Variants in AHI1 observed in about 807,000 individuals in gnomAD.
The protein encoded by AHI1 is Abelson helper integration site 1.
Under a neutral mutation model 149.3 loss-of-function variants are expected in AHI1, and 123 were observed. That is an observed-to-expected ratio of 0.82 (90% CI 0.71 to 0.96). AHI1 has a LOEUF of 0.96. Ranked by LOEUF, AHI1 falls within the 40% of genes least tolerant of loss-of-function variation. The pLI, the probability that AHI1 is intolerant of heterozygous loss-of-function variation, is 0.00. For missense variants in AHI1, 1,439 were observed against 1,422.7 expected (o/e 1.01, Z -0.18); for synonymous variants, 475 against 459.8 (o/e 1.03, Z -0.42).
chr6:135,367,465 G>C (rs1233248248), intron 23 of AHI1, among the ~76,000 whole-genome samples: 1 of 151,906 alleles, frequency 6.6e-6, no homozygotes, highest in Admixed American at 6.6e-5. Context: ...CCAAACTTTT[G>C]GATTTCTCTT....
chr6:135,425,106 C>G (rs984036295), intron 20 of AHI1, among the ~76,000 whole-genome samples: 1 of 151,766 alleles, frequency 6.6e-6, no homozygotes, highest in Non-Finnish European at 1.5e-5. Context: ...AAAATAGCAA[C>G]GAGTTGGGAA....
chr6:135,321,461 T>A (rs1374196872), intron 25 of AHI1, among the ~76,000 whole-genome samples: 1 of 152,018 alleles, frequency 6.6e-6, no homozygotes, highest in Non-Finnish European at 1.5e-5. Context: ...GCAATGGGAC[T>A]TAGGGCACTT....
rs547837278 is a variant in AHI1, at chr6:135,433,121, T to C, written c.2172A>G (p.Ile724Met). The C allele has an allele frequency of 1.1e-4, 176 of 1,613,704 alleles. 2 individuals are homozygous for C. In the South Asian group the frequency reaches 1.8e-3, roughly 17 times the overall value. The change falls in exon 16 of 29, where the codon ATA (isoleucine) becomes ATG (methionine). Residue 724 changes from isoleucine to methionine, a missense_variant. Transcript: ENST00000265602. ...AATCTTCTCTCATCTCAACTTTCCA[T>C]ATCCGTATCATGGAATCATAGCATC... is the stretch of plus-strand genomic sequence containing the variant. The part of the protein sequence containing the change: ...VTGCYDSMIR[I>M]WKVEMREDSA...
chr6:135,302,262 A>C (rs1583585863), intron 26 of AHI1: 1 of 985,394 alleles, frequency 1.0e-6, no homozygotes, highest in African/African-American at 1.7e-5. Flanking sequence ...CTTTTCAAAA[A>C]ACTCAACATT....
In AHI1 at chr6:135,392,194, G is replaced by C. The variant is rs549779525; in HGVS notation, c.3109+2582C>G. On this transcript the variant is annotated intron_variant, in intron 23 of 28. Coordinates refer to ENST00000265602, the MANE Select transcript of AHI1 (RefSeq NM_001134831.2). ...CTAGAGGTTCCTGAAGGCAGAGACTGTAACATTTACTCCACATGCTAAATA... is the reference window on the plus strand; with the variant it reads ...CTAGAGGTTCCTGAAGGCAGAGACTCTAACATTTACTCCACATGCTAAATA... 2.0e-4 allele frequency among the ~76,000 whole-genome samples: 31 copies of C among 152,314 alleles called. No homozygotes were observed. In the South Asian group the frequency reaches 6.0e-3, roughly 30 times the overall value.
chr6:135,475,761 G>T (rs985099633), intron 5 of AHI1, among the ~76,000 whole-genome samples: 9 of 152,152 alleles, frequency 5.9e-5, no homozygotes, highest in African/African-American at 2.2e-4. Flanking sequence ...CCTGGGCTGT[G>T]TCCCATGCAC....
intron 28 of AHI1, among the ~76,000 whole-genome samples, chr6:135,288,224 T>C (rs1781925705): frequency 6.6e-6 from 1 of 151,914 alleles, no homozygotes; most frequent in Non-Finnish European, 1.5e-5. Context: ...AGGAAAAAAA[T>C]GTGAGTATGT....
chr6:135,414,158 C>T (rs944690184), intron 20 of AHI1, among the ~76,000 whole-genome samples: 4 of 152,038 alleles, frequency 2.6e-5, no homozygotes, highest in African/African-American at 9.7e-5. Context: ...ATAGAGTGCC[C>T]AGGGTGTATA....
chr6:135,392,686 T>C (rs1778681234), intron 23 of AHI1, among the ~76,000 whole-genome samples: 1 of 152,232 alleles, frequency 6.6e-6, no homozygotes, highest in Non-Finnish European at 1.5e-5. Context: ...CTTAATTATT[T>C]ATCCACTTTA....
intron 25 of AHI1, 109 bp from the exon 26 acceptor site, chr6:135,318,725 T>G: frequency 1.6e-6 from 1 of 621,722 alleles, no homozygotes; most frequent in Non-Finnish European, 2.7e-6. Context: ...CGATATTCAA[T>G]TCCTTGGTGT....
At chr6:135,312,048 A>T (rs924660526) in intron 26 of AHI1, among the ~76,000 whole-genome samples, 7 of 152,266 alleles carry the variant, frequency 4.6e-5, no homozygotes, top group Non-Finnish European at 7.3e-5. Context: ...AAGATGCAGC[A>T]GCTGCCAAGC....
intron 23 of AHI1, among the ~76,000 whole-genome samples, chr6:135,366,944 T>C (rs1428169488): frequency 1.3e-5 from 2 of 152,240 alleles, no homozygotes; most frequent in Non-Finnish European, 2.9e-5. Flanking sequence ...GCACTGCTTT[T>C]GCTGTATCCC....
At chr6:135,447,261 T>G in intron 12 of AHI1, 101 bp from the exon 13 acceptor site, 1 of 817,288 alleles carries the variant, frequency 1.2e-6, no homozygotes, top group Non-Finnish European at 1.7e-6. Context: ...TATGAAAATA[T>G]TTTCAAAATG....
chr6:135,381,845 C>A (rs751396058), intron 23 of AHI1, among the ~76,000 whole-genome samples: 5 of 152,200 alleles, frequency 3.3e-5, no homozygotes, highest in Non-Finnish European at 7.3e-5. Flanking sequence ...TCTTCCATTT[C>A]TCGCAGTGCT....
At chr6:135,377,649 T>G (rs1261330727) in intron 23 of AHI1, among the ~76,000 whole-genome samples, 1 of 151,940 alleles carries the variant, frequency 6.6e-6, no homozygotes, top group Non-Finnish European at 1.5e-5. Flanking sequence ...TCAGCTACTT[T>G]TTAAATTTTT....
intron 5 of AHI1, among the ~76,000 whole-genome samples, chr6:135,471,750 C>T (rs865820749): frequency 1.3e-5 from 2 of 152,012 alleles, no homozygotes; most frequent in Non-Finnish European, 2.9e-5. Context: ...CGGTGGCTCA[C>T]GCCTGTAATC....
At chr6:135,361,694 CGT>C (rs1237469734) in intron 23 of AHI1, among the ~76,000 whole-genome samples, 2 of 136,880 alleles carry the variant, frequency 1.5e-5, no homozygotes, top group African/African-American at 5.6e-5. Flanking sequence ...CACACACACA[CGT>C]GTGTATATTT....
At chr6:135,349,131 C>T (rs77308029) in intron 24 of AHI1, among the ~76,000 whole-genome samples, 2,691 of 152,150 alleles carry the variant, frequency 0.018, 79 homozygotes, top group African/African-American at 0.061. Context: ...ACAACAGGTG[C>T]GTGGCACTGC....
intron 5 of AHI1, among the ~76,000 whole-genome samples, chr6:135,482,893 G>GTTTTTTTTTTTTTTTTTTTTTT (rs1491384083): frequency 8.6e-4 from 5 of 5,782 alleles, no homozygotes; most frequent in African/African-American, 1.4e-3. Context: ...TCCATTTAAG[G>GTTTTTTTTTTTTTTTTTTTTTT]CTTTTTTTTT....
Sources: allele counts gnomAD v4.1 joint callset (sites outside exome capture counted in the v4.1 genomes callset), GRCh38; gene constraint gnomAD v4.1.1; transcripts MANE v1.5; gene names NCBI Gene and HGNC (gene_info 2026-07-23, HGNC 2026-07-21).